Variants in PTPRD observed in about 807,000 individuals in gnomAD.
PTPRD encodes the protein protein tyrosine phosphatase receptor type D, also known as receptor-type tyrosine-protein phosphatase delta.
Under a neutral mutation model 214.5 loss-of-function variants are expected in PTPRD, and 34 were observed. The ratio of observed to expected loss-of-function variants is 0.16; its 90% confidence interval spans 0.12 to 0.21. PTPRD has a LOEUF of 0.21. PTPRD is among the 10% of genes least tolerant of loss of function. The pLI is 1.00. For missense variants in PTPRD, 2,545 were observed against 2,398.7 expected, an observed-to-expected ratio of 1.06 and a Z score of -1.27; for synonymous variants, 1,128 against 845.7, an observed-to-expected ratio of 1.33 and a Z score of -5.79.
intron 11 of PTPRD, among the ~76,000 whole-genome samples, chr9:8,746,487 A>C (rs964763047): frequency 6.6e-6 from 1 of 152,214 alleles, no homozygotes; most frequent in Non-Finnish European, 1.5e-5. Flanking sequence ...GACTTTTTAA[A>C]GTACTGTCAT....
At chr9:9,683,934 A>G (rs1164573981) in intron 7 of PTPRD, among the ~76,000 whole-genome samples, 1 of 151,736 alleles carries the variant, frequency 6.6e-6, no homozygotes, top group Non-Finnish European at 1.5e-5. Context: ...CCAAGCTGGT[A>G]GAAGTAAATA....
chr9:10,051,997 T>C (rs1054491759), intron 3 of PTPRD, among the ~76,000 whole-genome samples: 11 of 152,104 alleles, frequency 7.2e-5, no homozygotes, highest in Admixed American at 6.6e-4. Flanking sequence ...CAGGCTGGAG[T>C]ACAGTGTTGT....
At chr9:8,737,752 G>C (rs546921342) in intron 11 of PTPRD, among the ~76,000 whole-genome samples, 201 of 152,274 alleles carry the variant, frequency 1.3e-3, no homozygotes, top group African/African-American at 3.7e-3. Context: ...CTCAGTTCAA[G>C]CGATTCTCCT....
intron 39 of PTPRD, among the ~76,000 whole-genome samples, chr9:8,343,333 C>A (rs1854333967): frequency 6.6e-6 from 1 of 151,930 alleles, no homozygotes; most frequent in African/African-American, 2.4e-5. Flanking sequence ...AATACTGATG[C>A]CAAGAATCCA....
intron 4 of PTPRD, among the ~76,000 whole-genome samples, chr9:10,018,992 C>T (rs922445217): frequency 6.6e-6 from 1 of 152,112 alleles, no homozygotes; most frequent in African/African-American, 2.4e-5. Context: ...GAACAGGCAA[C>T]CTACAGAATG....
chr9:10,153,572 A>T (rs1472570444), intron 3 of PTPRD, among the ~76,000 whole-genome samples: 1 of 151,870 alleles, frequency 6.6e-6, no homozygotes, highest in African/African-American at 2.4e-5. Flanking sequence ...TTCAGGATAC[A>T]TGTGCAGGTT....
intron 11 of PTPRD, among the ~76,000 whole-genome samples, chr9:8,845,314 G>A (rs1016420192): frequency 4.6e-5 from 7 of 152,180 alleles, no homozygotes; most frequent in African/African-American, 1.7e-4. Context: ...CTTTCCTTCA[G>A]TCAGTGTCCT....
chr9:9,277,034 C>T (rs1945921118), intron 9 of PTPRD, among the ~76,000 whole-genome samples: 1 of 151,332 alleles, frequency 6.6e-6, no homozygotes, highest in Admixed American at 6.6e-5. Flanking sequence ...TTCGCCACTA[C>T]TGTATCTAGT....
intron 9 of PTPRD, among the ~76,000 whole-genome samples, chr9:9,356,660 G>A (rs2053908240): frequency 1.3e-5 from 2 of 151,406 alleles, no homozygotes; most frequent in African/African-American, 4.8e-5. Flanking sequence ...TTTATCAGAA[G>A]CTGCATCTTG....
chr9:10,062,654 T>G (rs1448622695), intron 3 of PTPRD, among the ~76,000 whole-genome samples: 1 of 151,992 alleles, frequency 6.6e-6, no homozygotes, highest in East Asian at 1.9e-4. Context: ...ACAACAGAGT[T>G]GTTAAGTAGC....
chr9:10,172,644 C>A (rs2099217204), intron 3 of PTPRD, among the ~76,000 whole-genome samples: 1 of 152,126 alleles, frequency 6.6e-6, no homozygotes, highest in Non-Finnish European at 1.5e-5. Context: ...TAATGCTGAA[C>A]TGAATTAGGA....
In PTPRD at chr9:9,586,935, T is replaced by C. The variant is rs150673583; in HGVS notation, c.-286-12154A>G. On this transcript the variant is annotated intron_variant, in intron 7 of 45. Transcript: ENST00000381196. ...TTAGCAAGCATTTATTGAACATCTA[T>C]GTTCCTAAGTGTCATTTCAGATACT... Among the ~76,000 whole-genome samples the C allele has an allele frequency of 8.5e-5, 13 of 152,170 alleles. No homozygotes were observed. In the East Asian group the frequency reaches 2.5e-3, roughly 30 times the overall value.
At position 9,314,951 on chromosome 9, in the gene PTPRD, G is replaced by A. The variant is rs143982436; in HGVS notation, c.-203+82498C>T. Among the ~76,000 whole-genome samples, 747 of 151,956 alleles carry A rather than the reference G, an allele frequency of 4.9e-3. 4 individuals carry two copies. The highest frequency in any genetic ancestry group is 0.017 in the African/African-American group (713 of 41,502). ...ACAGTAATTTACTTTGTCAATCTCA[G>A]CATCCTGATCTTGCCTTTCTGCTCA... On this transcript the variant is annotated intron_variant, in intron 9 of 45. Coordinates refer to ENST00000381196, the MANE Select transcript of PTPRD (RefSeq NM_002839.4).
At chr9:8,928,316 T>C (rs954149234) in intron 11 of PTPRD, among the ~76,000 whole-genome samples, 2 of 152,200 alleles carry the variant, frequency 1.3e-5, no homozygotes, top group African/African-American at 4.8e-5. Flanking sequence ...GGTTTTCTTC[T>C]AGGGTTTTTA....
intron 7 of PTPRD, among the ~76,000 whole-genome samples, chr9:9,653,135 G>A (rs915310005): frequency 1.3e-5 from 2 of 148,816 alleles, no homozygotes; most frequent in African/African-American, 5.1e-5. Flanking sequence ...GAGGTCAGGA[G>A]ATCGAGACCA....
chr9:10,200,138 G>A (rs2099413813), intron 3 of PTPRD, among the ~76,000 whole-genome samples: 1 of 152,036 alleles, frequency 6.6e-6, no homozygotes. Context: ...AAAGACTCAT[G>A]CTTTCTTTTA....
At chr9:8,634,589 C>G (rs920861874) in intron 13 of PTPRD, among the ~76,000 whole-genome samples, 1 of 151,958 alleles carries the variant, frequency 6.6e-6, no homozygotes, top group Non-Finnish European at 1.5e-5. Context: ...TCTCAATGCA[C>G]TACAGTTTAT....
intron 9 of PTPRD, among the ~76,000 whole-genome samples, chr9:9,269,430 T>C (rs971844337): frequency 2.0e-5 from 3 of 147,548 alleles, no homozygotes; most frequent in African/African-American, 7.5e-5. Flanking sequence ...ACAGCCACTA[T>C]GAAAACAATA....
intron 8 of PTPRD, among the ~76,000 whole-genome samples, chr9:9,528,639 A>G (rs550467852): frequency 6.6e-6 from 1 of 152,278 alleles, no homozygotes; most frequent in South Asian, 2.1e-4. Context: ...AAATAAAAAT[A>G]AAGAAATCAC....
Sources: allele counts gnomAD v4.1 joint callset (sites outside exome capture counted in the v4.1 genomes callset), GRCh38; gene constraint gnomAD v4.1.1; transcripts MANE v1.5; gene names NCBI Gene and HGNC (gene_info 2026-07-23, HGNC 2026-07-21).